Variants in PPP1R36 observed in about 807,000 individuals in gnomAD.
PPP1R36 encodes the protein chromosome 14 open reading frame 50.
PPP1R36 carries 47 observed loss-of-function variants against 53.4 expected under a neutral mutation model. The ratio of observed to expected loss-of-function variants is 0.88; its 90% CI spans 0.70 to 1.12. PPP1R36 has a LOEUF of 1.12. Among genes scored for constraint, PPP1R36 ranks in the 50% most tolerant of loss-of-function variants. PPP1R36 has a pLI of 0.00. For synonymous variants in PPP1R36, 153 were observed against 170.5 expected, an observed-to-expected ratio of 0.90 and a Z score of 0.80; for missense variants, 456 against 513.9, an observed-to-expected ratio of 0.89 and a Z score of 1.09.
intron 8 of PPP1R36, among the ~76,000 whole-genome samples, chr14:64,575,920 G>T (rs1279994964): frequency 6.6e-6 from 1 of 152,044 alleles, no homozygotes; most frequent in Non-Finnish European, 1.5e-5. Flanking sequence ...AAAGTGCTGG[G>T]ATTACAGGTG....
At position 64,574,438 on chromosome 14, in the gene PPP1R36, T is replaced by C. The variant is rs766323320; in HGVS notation, c.534-17T>C. 1 of 1,591,504 alleles carries C rather than the reference T, an allele frequency of 6.3e-7. No individual in the cohort carries two copies. The highest frequency in any genetic ancestry group is 1.2e-5 in the South Asian group (1 of 86,640). On this transcript the variant is annotated splice_polypyrimidine_tract_variant and intron_variant, in intron 7 of 11. Coordinates refer to ENST00000298705, the MANE Select transcript of PPP1R36 (RefSeq NM_172365.3). ...GACAATTAACCCAAATTCTCTTTTT[T>C]TTGTCCTCCCCATCAGAGGCCTTGT...
intron 3 of PPP1R36, among the ~76,000 whole-genome samples, chr14:64,557,062 G>T (rs2080161141): frequency 6.6e-6 from 1 of 151,850 alleles, no homozygotes; most frequent in Non-Finnish European, 1.5e-5. Flanking sequence ...GAACTTCTGA[G>T]CTCAAGCAAT....
chr14:64,550,369 G>GA, intron 1 of PPP1R36: 1 of 950,916 alleles, frequency 1.1e-6, no homozygotes, highest in South Asian at 2.4e-5. Context: ...GGGGGAAGCA[G>GA]CCCCGCTCTG....
At chr14:64,567,456 A>G (rs2080268718) in intron 6 of PPP1R36, among the ~76,000 whole-genome samples, 1 of 152,232 alleles carries the variant, frequency 6.6e-6, no homozygotes, top group Non-Finnish European at 1.5e-5. Context: ...GGAAATCTAC[A>G]TATAATATCA....
intron 8 of PPP1R36, among the ~76,000 whole-genome samples, chr14:64,584,576 C>T (rs2080416185): frequency 6.6e-6 from 1 of 152,176 alleles, no homozygotes; most frequent in Non-Finnish European, 1.5e-5. Context: ...CCGCTGAGCT[C>T]TGTTGTTCAG....
At chr14:64,586,949 A>G (rs2080438353) in intron 9 of PPP1R36, 70 bp downstream of exon 9, 1 of 1,259,196 alleles carries the variant, frequency 7.9e-7, no homozygotes, top group Non-Finnish European at 1.2e-6. Flanking sequence ...GCCATTTGTC[A>G]GGCACTTATT....
At chr14:64,552,713 A>G (rs1230927672) in intron 2 of PPP1R36, 101 bp from the exon 3 acceptor site, 32 of 838,562 alleles carry the variant, frequency 3.8e-5, no homozygotes, top group Non-Finnish European at 4.5e-5. Flanking sequence ...TTAACATTTT[A>G]TTAGAGTCAA....
chr14:64,570,661 T>C (rs1399518998), intron 7 of PPP1R36, among the ~76,000 whole-genome samples: 1 of 152,216 alleles, frequency 6.6e-6, no homozygotes, highest in African/African-American at 2.4e-5. Context: ...AGCATAGGGA[T>C]AGTAATAGCA....
chr14:64,579,308 T>A (rs2080367944), intron 8 of PPP1R36, among the ~76,000 whole-genome samples: 1 of 152,096 alleles, frequency 6.6e-6, no homozygotes, highest in Non-Finnish European at 1.5e-5. Flanking sequence ...CAAGAGCATA[T>A]ATAAACTAAT....
At chr14:64,568,998 G>C (rs939028110) in intron 7 of PPP1R36, among the ~76,000 whole-genome samples, 13 of 151,912 alleles carry the variant, frequency 8.6e-5, no homozygotes, top group African/African-American at 3.1e-4. Context: ...CAAAGTTCTT[G>C]CTAAAGGGCT....
intron 4 of PPP1R36, 40 bp downstream of exon 4, chr14:64,564,877 A>G (rs1287753279): frequency 2.9e-6 from 4 of 1,360,418 alleles, no homozygotes; most frequent in Non-Finnish European, 4.1e-6. Flanking sequence ...TGCTGATAGC[A>G]TCTCTCAGTG....
chr14:64,565,671 G>A lies in PPP1R36; in HGVS notation c.413G>A (p.Cys138Tyr), dbSNP rs1403234219. Residue 138 changes from cysteine (C) to tyrosine (Y), a missense_variant, in exon 6 of 12, where the codon TGT becomes TAT. Cys to Tyr is a radical substitution (Grantham distance 194). Coordinates refer to ENST00000298705, the MANE Select transcript of PPP1R36 (RefSeq NM_172365.3). ...LLQDTEMQRICSFTTFMRNKN... is the reference protein window; with the variant it reads ...LLQDTEMQRIYSFTTFMRNKN... ...CAAGATACTGAGATGCAGCGGATCT[G>A]TTCTTTTACAACATTTATGAGGTAT... is the stretch of plus-strand genomic sequence containing the variant. The A allele has an allele frequency of 1.2e-6, 2 of 1,613,286 alleles. No homozygotes were observed. Among genetic ancestry groups the A allele is most frequent in the African/African-American group, 2.7e-5 (2 of 74,910 alleles).
At chr14:64,552,767 T>C (rs117676270) in intron 2 of PPP1R36, 47 bp from the exon 3 acceptor site, 75,795 of 1,522,244 alleles carry the variant, frequency 0.05, 2,303 homozygotes, top group Non-Finnish European at 0.059. Context: ...TCAGTATTTC[T>C]GAGTAACCCG....
At chr14:64,566,661 C>T (rs757863962) in intron 6 of PPP1R36, among the ~76,000 whole-genome samples, 4 of 152,162 alleles carry the variant, frequency 2.6e-5, no homozygotes, top group South Asian at 2.1e-4. Flanking sequence ...CTCAGCACCG[C>T]GAACGCTCAG....
chr14:64,576,473 A>G (rs546387989), intron 8 of PPP1R36, among the ~76,000 whole-genome samples: 1 of 152,320 alleles, frequency 6.6e-6, no homozygotes, highest in South Asian at 2.1e-4. Context: ...TTGGCTATTC[A>G]TAAGGATCGT....
chr14:64,566,989 C>T (rs1046408802), intron 6 of PPP1R36, among the ~76,000 whole-genome samples: 35 of 152,256 alleles, frequency 2.3e-4, no homozygotes, highest in African/African-American at 8.2e-4. Flanking sequence ...CCTTTCCTGT[C>T]TCATTTCCCC....
intron 10 of PPP1R36, among the ~76,000 whole-genome samples, 187 bp from the exon 11 acceptor site, chr14:64,587,917 A>T (rs1161370586): frequency 6.6e-6 from 1 of 151,576 alleles, no homozygotes; most frequent in African/African-American, 2.4e-5. Flanking sequence ...ACTTTTTAAA[A>T]TTTTTTGTAG....
intron 8 of PPP1R36, among the ~76,000 whole-genome samples, chr14:64,584,607 T>G (rs2080416406): frequency 6.6e-6 from 1 of 152,160 alleles, no homozygotes; most frequent in South Asian, 2.1e-4. Context: ...TGCAAACTAT[T>G]TTAAAGAAAA....
chr14:64,585,383 G>C (rs1354740747), intron 8 of PPP1R36, among the ~76,000 whole-genome samples: 2 of 152,072 alleles, frequency 1.3e-5, no homozygotes, highest in East Asian at 3.9e-4. Context: ...GGTCATGTTG[G>C]TGTGTGCCTG....
Sources: gnomAD v4.1 joint callset for allele counts (sites outside exome capture counted in the v4.1 genomes callset) on GRCh38, gnomAD v4.1.1 for gene constraint, MANE v1.5 for transcripts, NCBI Gene and HGNC (gene_info 2026-07-23, HGNC 2026-07-21) for gene names.